PM20D2: variants seen among roughly 807,000 people sequenced by gnomAD.
The protein encoded by PM20D2 is peptidase M20 domain containing 2.
PM20D2 carries 33 observed loss-of-function variants against 42.9 expected under a neutral mutation model. That is an observed-to-expected ratio of 0.77 (90% CI 0.58 to 1.03). The LOEUF (loss-of-function observed/expected upper bound fraction) is 1.03, where lower values mean the gene tolerates loss of function less well. Ranked by LOEUF, PM20D2 falls within the 50% of genes least tolerant of loss-of-function variation. The probability of loss-of-function intolerance (pLI) is 0.00; values close to 1 mark genes in which losing one functional copy is unlikely to be tolerated. For synonymous variants in PM20D2, 250 were observed against 228.2 expected (o/e 1.10, Z -0.86); for missense variants, 548 against 557.0 (o/e 0.98, Z 0.16).
At chr6:89,120,816 T>C in the PM20D2 span, among the ~76,000 whole-genome samples, 1 of 152,174 alleles carries the variant, frequency 6.6e-6, no homozygotes, top group African/African-American at 2.4e-5. Context: ...GAGGCTGCAG[T>C]GAACTATGTT....
the PM20D2 span, among the ~76,000 whole-genome samples, chr6:89,103,854 C>T: frequency 1.3e-5 from 2 of 152,160 alleles, no homozygotes; most frequent in African/African-American, 4.8e-5. Flanking sequence ...TTTTCCCCTG[C>T]CCCCAAATTA....
the PM20D2 span, among the ~76,000 whole-genome samples, chr6:89,095,060 G>A: frequency 6.6e-6 from 1 of 151,890 alleles, no homozygotes; most frequent in South Asian, 2.1e-4. Context: ...TTGGCATTTC[G>A]CTTTACAGAG....
At chr6:89,107,671 G>T in the PM20D2 span, among the ~76,000 whole-genome samples, 3 of 151,944 alleles carry the variant, frequency 2.0e-5, no homozygotes, top group African/African-American at 4.8e-5. Context: ...GGGAGGTTGA[G>T]GCTGCAGTGA....
the PM20D2 span, among the ~76,000 whole-genome samples, chr6:89,133,315 C>G: frequency 6.6e-6 from 1 of 150,942 alleles, no homozygotes; most frequent in South Asian, 2.1e-4. Flanking sequence ...AAAACTTTAG[C>G]TGTTTTATAA....
the PM20D2 span, among the ~76,000 whole-genome samples, chr6:89,118,430 C>A: frequency 6.6e-6 from 1 of 152,244 alleles, no homozygotes; most frequent in African/African-American, 2.4e-5. Flanking sequence ...GGTAGGCCTC[C>A]TGCCCCTCTG....
the PM20D2 span, among the ~76,000 whole-genome samples, chr6:89,124,733 G>GTTTT: frequency 7.2e-3 from 574 of 79,490 alleles, 1 homozygote; most frequent in African/African-American, 0.011. Context: ...TGTTGCTGTT[G>GTTTT]TTGTTTTTTT....
At chr6:89,117,408 G>A in the PM20D2 span, among the ~76,000 whole-genome samples, 2 of 152,356 alleles carry the variant, frequency 1.3e-5, no homozygotes, top group East Asian at 1.9e-4. Flanking sequence ...ATCTAGGAGG[G>A]TTGGATGCGC....
At chr6:89,141,959 A>G (rs151204405), upstream of PM20D2, among the ~76,000 whole-genome samples, 1 of 103,308 alleles carries the variant, frequency 9.7e-6, no homozygotes, top group East Asian at 2.7e-4. Context: ...GTGTGCCACC[A>G]TGCTTGGCTT....
the PM20D2 span, among the ~76,000 whole-genome samples, chr6:89,134,050 C>G: frequency 6.6e-6 from 1 of 151,298 alleles, no homozygotes; most frequent in African/African-American, 2.5e-5. Context: ...GTCAGTCCGG[C>G]TGAGGGTCTG....
chr6:89,155,529 A>G (rs1375682068), intron 4 of PM20D2, among the ~76,000 whole-genome samples: 1 of 151,748 alleles, frequency 6.6e-6, no homozygotes, highest in Admixed American at 6.6e-5. Flanking sequence ...AGCTCAAGTG[A>G]TCCACCCACC....
the PM20D2 span, chr6:89,095,819 G>A: frequency 4.6e-5 from 7 of 152,164 alleles, no homozygotes; most frequent in South Asian, 6.2e-4. Context: ...CAAGCAAGCC[G>A]CTGTCATGGC....
chr6:89,125,307 C>T, the PM20D2 span, among the ~76,000 whole-genome samples: 6 of 152,170 alleles, frequency 3.9e-5, no homozygotes, highest in African/African-American at 1.2e-4. Flanking sequence ...GGTGAAACTC[C>T]GTCTCTACTA....
At chr6:89,120,703 A>G in the PM20D2 span, among the ~76,000 whole-genome samples, 5 of 152,054 alleles carry the variant, frequency 3.3e-5, no homozygotes, top group Admixed American at 6.5e-5. Flanking sequence ...CCATCTCTAC[A>G]GAAAATTAAA....
At chr6:89,126,565 T>G in the PM20D2 span, among the ~76,000 whole-genome samples, 10 of 148,542 alleles carry the variant, frequency 6.7e-5, no homozygotes, top group Non-Finnish European at 1.0e-4. Context: ...GCGCCTATAA[T>G]CCCAGCTACT....
the PM20D2 span, among the ~76,000 whole-genome samples, chr6:89,140,976 C>A: frequency 6.6e-6 from 1 of 152,162 alleles, no homozygotes; most frequent in Non-Finnish European, 1.5e-5. Context: ...GTTGTTTCCT[C>A]AGCTTACATT....
upstream of PM20D2, among the ~76,000 whole-genome samples, chr6:89,141,907 G>A (rs993057526): frequency 3.3e-5 from 5 of 152,066 alleles, no homozygotes; most frequent in East Asian, 1.9e-4. Context: ...GGGCTCAAGC[G>A]ATCCTCAAAC....
chr6:89,098,498 G>C, the PM20D2 span: 1 of 1,474,424 alleles, frequency 6.8e-7, no homozygotes, highest in South Asian at 1.5e-5. Flanking sequence ...TTTTCTGTAT[G>C]CCTTAAAGAA....
At chr6:89,158,498 G>A (rs748045179) in intron 5 of PM20D2, 38 bp downstream of exon 5, 3 of 1,586,932 alleles carry the variant, frequency 1.9e-6, no homozygotes, top group African/African-American at 2.7e-5. Flanking sequence ...GCTATTTGAG[G>A]AAGAGAAATA....
chr6:89,151,726 T>C (rs1770849874), intron 2 of PM20D2, among the ~76,000 whole-genome samples: 1 of 152,218 alleles, frequency 6.6e-6, no homozygotes, highest in African/African-American at 2.4e-5. Flanking sequence ...TAAAATTAAA[T>C]AGTATGTCTT....
Sources: gnomAD v4.1 joint callset for allele counts (sites outside exome capture counted in the v4.1 genomes callset) on GRCh38, gnomAD v4.1.1 for gene constraint, MANE v1.5 for transcripts, NCBI Gene and HGNC (gene_info 2026-07-23, HGNC 2026-07-21) for gene names.